Variants in FRMD5 observed in about 807,000 individuals in gnomAD.
The protein encoded by FRMD5 is FERM domain containing 5, also known as FERM domain-containing protein 5.
In FRMD5, 20 loss-of-function variants were observed where a neutral mutation model predicts 69.0. The observed-to-expected ratio is 0.29, with a 90% CI of 0.20 to 0.42. The LOEUF is 0.42. Ranked by LOEUF, FRMD5 falls within the 10% of genes least tolerant of loss-of-function variation. The pLI, the probability that FRMD5 is intolerant of heterozygous loss-of-function variation, is 1.00. For synonymous variants in FRMD5, 271 were observed against 260.1 expected, an observed-to-expected ratio of 1.04 and a Z score of -0.40; for missense variants, 595 against 708.6, an observed-to-expected ratio of 0.84 and a Z score of 1.82.
At chr15:43,901,555 C>T (rs139741275) in intron 7 of FRMD5, among the ~76,000 whole-genome samples, 25 of 152,204 alleles carry the variant, frequency 1.6e-4, no homozygotes, top group South Asian at 4.1e-4. Flanking sequence ...CAGGAGGTAA[C>T]GTGAAGGGCC....
chr15:44,196,714 G>T (rs1284719838), upstream of FRMD5, among the ~76,000 whole-genome samples: 1 of 143,150 alleles, frequency 7.0e-6, no homozygotes, highest in East Asian at 2.0e-4. Context: ...TTTGCATGGG[G>T]AGATTCATTC....
intron 6 of FRMD5, among the ~76,000 whole-genome samples, chr15:43,903,134 A>G (rs2089087045): frequency 6.6e-6 from 1 of 152,230 alleles, no homozygotes; most frequent in Non-Finnish European, 1.5e-5. Flanking sequence ...TGATGGGCTC[A>G]TTGCAGACCC....
intron 7 of FRMD5, among the ~76,000 whole-genome samples, chr15:43,892,504 T>C (rs2088815828): frequency 6.6e-6 from 1 of 152,238 alleles, no homozygotes; most frequent in Non-Finnish European, 1.5e-5. Flanking sequence ...TAAAAATGCA[T>C]GTCCACACAG....
At chr15:44,127,261 C>T (rs2555385) in intron 1 of FRMD5, among the ~76,000 whole-genome samples, 125,965 of 152,084 alleles carry the variant, frequency 0.83, 54,815 homozygotes, top group Non-Finnish European at 0.95. Flanking sequence ...CCGACTAATT[C>T]TTGTATTTTT....
chr15:44,063,655 T>C (rs1300825376), intron 1 of FRMD5: 11 of 450,340 alleles, frequency 2.4e-5, no homozygotes, highest in Non-Finnish European at 3.8e-5. Context: ...CATGTTCTAG[T>C]ATGATTCCAC....
chr15:43,981,092 T>C (rs1402861905), intron 1 of FRMD5, among the ~76,000 whole-genome samples: 1 of 152,180 alleles, frequency 6.6e-6, no homozygotes, highest in East Asian at 1.9e-4. Flanking sequence ...CGTCACTCAC[T>C]GCAGCCTCTG....
intron 2 of FRMD5, 26 bp from the exon 3 acceptor site, chr15:43,919,835 A>G: frequency 6.2e-7 from 1 of 1,608,196 alleles, no homozygotes; most frequent in Non-Finnish European, 8.5e-7. Context: ...CAGAACATGA[A>G]AACCCTAATG....
intron 5 of FRMD5, among the ~76,000 whole-genome samples, chr15:43,906,756 C>T (rs1364883213): frequency 4.4e-5 from 6 of 135,614 alleles, no homozygotes; most frequent in Admixed American, 2.0e-4. Flanking sequence ...CGCCTGCCAC[C>T]TCGCCCGGCT....
intron 1 of FRMD5, among the ~76,000 whole-genome samples, chr15:44,051,139 CTTTTTTTTTTTTTTTT>C (rs779951038): frequency 5.1e-5 from 4 of 78,396 alleles, no homozygotes; most frequent in African/African-American, 1.1e-4. Context: ...CATTCAGTCA[CTTTTTTTTTTTTTTTT>C]TTTTTTTTTT....
At chr15:44,077,716 A>C (rs1260796405) in intron 1 of FRMD5, among the ~76,000 whole-genome samples, 1 of 152,094 alleles carries the variant, frequency 6.6e-6, no homozygotes, top group Non-Finnish European at 1.5e-5. Flanking sequence ...GAAGTAACTA[A>C]GCCAGAAAAG....
chr15:44,093,514 T>A lies in FRMD5; in HGVS notation c.102+101439A>T, dbSNP rs561859694. Among the ~76,000 whole-genome samples the A allele has an allele frequency of 2.6e-5, 4 of 152,206 alleles. No individual in the cohort carries two copies. The East Asian group carries it at 7.7e-4, about 29-fold the overall frequency. On this transcript the variant is annotated intron_variant, in intron 1 of 13. Transcript: ENST00000417257. ...GGTAGAAATGACTACATCCATTAGA[T>A]TATGCAAAAGCATGGATGAGAGACA... is the stretch of plus-strand genomic sequence containing the variant.
chr15:43,972,646 A>G (rs1250879641), intron 1 of FRMD5, among the ~76,000 whole-genome samples: 1 of 152,206 alleles, frequency 6.6e-6, no homozygotes, highest in East Asian at 1.9e-4. Context: ...CCCTTGTACA[A>G]TAACTAACCT....
chr15:44,044,246 G>A (rs1163646199), intron 1 of FRMD5, among the ~76,000 whole-genome samples: 3 of 152,130 alleles, frequency 2.0e-5, no homozygotes, highest in African/African-American at 7.2e-5. Flanking sequence ...AGTTAGAATG[G>A]CGATCATTAA....
intron 1 of FRMD5, among the ~76,000 whole-genome samples, chr15:44,072,774 G>A (rs932237359): frequency 6.6e-6 from 1 of 152,038 alleles, no homozygotes; most frequent in African/African-American, 2.4e-5. Flanking sequence ...TCCCAAATTT[G>A]CGCTAGCAAT....
At chr15:44,191,028 A>C (rs937392891) in intron 1 of FRMD5, among the ~76,000 whole-genome samples, 3 of 152,280 alleles carry the variant, frequency 2.0e-5, no homozygotes, top group African/African-American at 7.2e-5. Flanking sequence ...TGGTTATACT[A>C]TGGAAATGCC....
At chr15:44,044,315 T>A (rs1312272645) in intron 1 of FRMD5, among the ~76,000 whole-genome samples, 1 of 152,206 alleles carries the variant, frequency 6.6e-6, no homozygotes, top group Non-Finnish European at 1.5e-5. Context: ...ACTTTTACAC[T>A]GTTGGTGGGA....
chr15:44,156,213 G>A (rs1168188489), intron 1 of FRMD5, among the ~76,000 whole-genome samples: 6 of 151,844 alleles, frequency 4.0e-5, no homozygotes, highest in Admixed American at 6.6e-5. Flanking sequence ...GCATGATCTC[G>A]GCTCACTGCA....
rs555864517 is a variant in FRMD5, at chr15:43,871,890, C to T, written c.*1995G>A. On this transcript the variant is annotated 3_prime_UTR_variant, in exon 14 of 14. Coordinates refer to ENST00000417257, the MANE Select transcript of FRMD5 (RefSeq NM_032892.5). ...CCTCCACTGGGAAGAGGTCCCAGATCTTTGATACATGTCAGGCATGGAAAC... is the reference window on the plus strand; with the variant it reads ...CCTCCACTGGGAAGAGGTCCCAGATTTTTGATACATGTCAGGCATGGAAAC... 6.6e-6 allele frequency: 1 copy of T among 152,326 alleles called. No homozygotes were observed. The highest frequency in any genetic ancestry group is 1.5e-5 in the Non-Finnish European group (1 of 68,036). The allele number at this position is 152,326 out of a possible 1,614,324, so 9.4% of individuals were successfully genotyped here.
intron 1 of FRMD5, among the ~76,000 whole-genome samples, chr15:44,167,751 G>A (rs150614101): frequency 0.016 from 2,482 of 152,194 alleles, 68 homozygotes; most frequent in East Asian, 0.051. Flanking sequence ...CATGATGCCC[G>A]GCTAATTTTT....
Sources: allele counts gnomAD v4.1 joint callset (sites outside exome capture counted in the v4.1 genomes callset), GRCh38; gene constraint gnomAD v4.1.1; transcripts MANE v1.5; gene names NCBI Gene and HGNC (gene_info 2026-07-23, HGNC 2026-07-21).